Variants in MME observed in about 807,000 individuals in gnomAD.
MME encodes membrane metalloendopeptidase.
Under a neutral mutation model 113.2 loss-of-function variants are expected in MME, and 98 were observed. The observed-to-expected ratio is 0.87, with a 90% CI of 0.74 to 1.02. The LOEUF (loss-of-function observed/expected upper bound fraction) is 1.02. Ranked by LOEUF, MME falls within the 50% of genes least tolerant of loss-of-function variation. The pLI is 0.00. For missense variants in MME, 836 were observed against 896.0 expected (o/e 0.93, Z 0.86); for synonymous variants, 292 against 300.6 (o/e 0.97, Z 0.30).
chr3:155,168,373 T>C (rs2108366013), intron 18 of MME, 119 bp from the exon 19 acceptor site: 1 of 909,578 alleles, frequency 1.1e-6, no homozygotes, highest in East Asian at 2.6e-5. Flanking sequence ...TCTCTCATCG[T>C]CTGCCTAATT....
chr3:155,147,293 T>C (rs1721594114), intron 15 of MME, 69 bp downstream of exon 15: 5 of 965,604 alleles, frequency 5.2e-6, no homozygotes, highest in Admixed American at 1.7e-5. Flanking sequence ...TTTTTAGCTA[T>C]GGGGTGCCTG....
chr3:155,154,127 A>G (rs76084916), intron 16 of MME, among the ~76,000 whole-genome samples: 4,196 of 152,278 alleles, frequency 0.028, 85 homozygotes, highest in East Asian at 0.11. Flanking sequence ...GAGGATTCAC[A>G]AAAAACAAAA....
intron 8 of MME, among the ~76,000 whole-genome samples, chr3:155,128,856 A>G (rs997194014): frequency 2.0e-5 from 3 of 152,110 alleles, no homozygotes; most frequent in Admixed American, 1.3e-4. Flanking sequence ...GAAGAACCCA[A>G]TCTTTTGGAA....
intron 1 of MME, among the ~76,000 whole-genome samples, chr3:155,072,167 CAAAAAAAAAAA>C (rs71155031): frequency 6.3e-4 from 41 of 65,076 alleles, no homozygotes; most frequent in African/African-American, 2.6e-3. Context: ...GACTCCGTCT[CAAAAAAAAAAA>C]AAAAAAAAAA....
At chr3:155,101,090 A>C (rs746728823) in intron 3 of MME, among the ~76,000 whole-genome samples, 1 of 151,260 alleles carries the variant, frequency 6.6e-6, no homozygotes, top group Non-Finnish European at 1.5e-5. Flanking sequence ...CCCCCCACCC[A>C]CTCTCTTCCT....
chr3:155,146,706 A>G (rs1324729225), intron 14 of MME, among the ~76,000 whole-genome samples: 1 of 152,128 alleles, frequency 6.6e-6, no homozygotes, highest in East Asian at 1.9e-4. Flanking sequence ...TAGGACTAGT[A>G]TTAGCAGTAA....
At chr3:155,061,170 C>T (rs1015703693) in intron 1 of MME, among the ~76,000 whole-genome samples, 7 of 152,176 alleles carry the variant, frequency 4.6e-5, no homozygotes, top group East Asian at 1.9e-4. Flanking sequence ...AAAGTATCGC[C>T]GGGCGGGCGC....
At chr3:155,174,959 A>G (rs1172248313) in intron 22 of MME, among the ~76,000 whole-genome samples, 1 of 152,118 alleles carries the variant, frequency 6.6e-6, no homozygotes, top group Non-Finnish European at 1.5e-5. Context: ...TACCTAGTAT[A>G]TCTACCATCC....
intron 8 of MME, among the ~76,000 whole-genome samples, chr3:155,123,074 A>G (rs1407613327): frequency 2.7e-5 from 1 of 36,894 alleles, no homozygotes; most frequent in African/African-American, 9.2e-5. Flanking sequence ...TAGGTCACTC[A>G]GGACTTGCTT....
chr3:155,125,324 C>T (rs868392947), intron 8 of MME, among the ~76,000 whole-genome samples: 1 of 80,934 alleles, frequency 1.2e-5, no homozygotes, highest in Non-Finnish European at 3.1e-5. Context: ...GTCTGGGACT[C>T]CCTAGTGAGA....
chr3:155,139,054 G>T (rs1417802928), intron 9 of MME, among the ~76,000 whole-genome samples: 1 of 152,074 alleles, frequency 6.6e-6, no homozygotes, highest in Admixed American at 6.6e-5. Flanking sequence ...GGCAATTTTA[G>T]CTTTCCTGGG....
At chr3:155,070,391 A>G (rs1277220469) in intron 1 of MME, among the ~76,000 whole-genome samples, 8 of 152,248 alleles carry the variant, frequency 5.3e-5, no homozygotes, top group Non-Finnish European at 8.8e-5. Flanking sequence ...AGAAGCCACT[A>G]TGTACATACA....
In MME at chr3:155,142,016, A is replaced by G; in HGVS notation, c.983A>G (p.Asn328Ser). 1 of 1,613,628 alleles carries G rather than the reference A, an allele frequency of 6.2e-7. No homozygotes were observed. The highest frequency in any genetic ancestry group is 8.5e-7 in the Non-Finnish European group (1 of 1,179,672). ...GKPFSWLNFT[N>S]EIMSTVNISI... is the part of the protein sequence containing the mutation. ...CCATTCAGCTGGTTGAATTTCACAA[A>G]TGAAATCATGTCAACTGTGAATATT... The change falls in exon 11 of 23, where the codon AAT becomes AGT. Residue 328 changes from asparagine to serine, a missense_variant. Physicochemically the swap from Asn to Ser is conservative, Grantham distance 46. Coordinates refer to ENST00000360490, the MANE Select transcript of MME (RefSeq NM_007289.4).
intron 3 of MME, chr3:155,085,605 G>C (rs62279986): frequency 0.32 from 48,274 of 152,216 alleles, 8,333 homozygotes; most frequent in Non-Finnish European, 0.41. Flanking sequence ...GATCTCGGCT[G>C]ACTGCAATCT....
intron 19 of MME, 28 bp from the exon 20 acceptor site, chr3:155,168,704 A>C (rs773699922): frequency 6.2e-7 from 1 of 1,612,300 alleles, no homozygotes; most frequent in South Asian, 1.1e-5. Context: ...TTTTTTTAAC[A>C]ATCCTAATAA....
At chr3:155,070,156 A>G (rs574430038) in intron 1 of MME, among the ~76,000 whole-genome samples, 118 of 152,360 alleles carry the variant, frequency 7.7e-4, no homozygotes, top group Non-Finnish European at 1.6e-3. Context: ...ATATTGCACT[A>G]GTCAAATGGG....
At chr3:155,115,419 TTTTGTTTG>T (rs140150260) in intron 4 of MME, among the ~76,000 whole-genome samples, 3 of 151,216 alleles carry the variant, frequency 2.0e-5, no homozygotes, top group Non-Finnish European at 2.9e-5. Context: ...AGGTTTGGTT[TTTTGTTTG>T]TTTGTTTGTT....
At chr3:155,167,635 T>C (rs1723202554) in intron 18 of MME, among the ~76,000 whole-genome samples, 1 of 152,082 alleles carries the variant, frequency 6.6e-6, no homozygotes, top group Non-Finnish European at 1.5e-5. Context: ...AAATGGAAAG[T>C]AGAGAACAAT....
In MME at chr3:155,176,942, C is replaced by A. The variant is rs78329085; in HGVS notation, c.2154-3418C>A. On this transcript the variant is annotated intron_variant, in intron 22 of 22. Transcript: ENST00000360490. ...TATTCAGGATCAAATTAGGTAGAGT[C>A]TTTGGATGGAAAGAGGATGGGCAGA... 4.4e-3 allele frequency among the ~76,000 whole-genome samples: 668 copies of A among 152,194 alleles called. 6 individuals are homozygous for A. The highest frequency in any genetic ancestry group is 0.016 in the African/African-American group (644 of 41,536).
Sources: gnomAD v4.1 joint callset for allele counts (sites outside exome capture counted in the v4.1 genomes callset) on GRCh38, gnomAD v4.1.1 for gene constraint, MANE v1.5 for transcripts, NCBI Gene and HGNC (gene_info 2026-07-23, HGNC 2026-07-21) for gene names.